PHAF1: variants seen among roughly 807,000 people sequenced by gnomAD.
PHAF1 encodes the protein phagophore assembly factor 1, also known as phagosome assembly factor 1.
Under a neutral mutation model 63.1 loss-of-function variants are expected in PHAF1, and 23 were observed. That is an observed-to-expected ratio of 0.36 (90% CI 0.26 to 0.52). The LOEUF is 0.52. Ranked by LOEUF, PHAF1 falls within the 20% of genes least tolerant of loss-of-function variation. The probability of loss-of-function intolerance (pLI) is 0.93; values close to 1 mark genes in which losing one functional copy is unlikely to be tolerated. For synonymous variants in PHAF1, 167 were observed against 185.0 expected (o/e 0.90, Z 0.79); for missense variants, 427 against 517.2 (o/e 0.83, Z 1.69).
At chr16:67,140,360 C>T in intron 9 of PHAF1, 151 bp from the exon 10 acceptor site, 1 of 825,500 alleles carries the variant, frequency 1.2e-6, no homozygotes, top group Non-Finnish European at 1.9e-6. Flanking sequence ...CCCTCTCCTC[C>T]TAGATTGGTC....
At chr16:67,130,696 G>A (rs1963359860) in intron 3 of PHAF1, among the ~76,000 whole-genome samples, 1 of 152,196 alleles carries the variant, frequency 6.6e-6, no homozygotes, top group Non-Finnish European at 1.5e-5. Context: ...TTAAAATGCA[G>A]CAAAATATGA....
chr16:67,140,362 A>AGG (rs1296679041), intron 9 of PHAF1, 149 bp from the exon 10 acceptor site: 2 of 824,634 alleles, frequency 2.4e-6, no homozygotes, highest in East Asian at 5.3e-5. Context: ...CTCTCCTCCT[A>AGG]GATTGGTCAG....
At chr16:67,131,359 A>G in intron 4 of PHAF1, 30 bp downstream of exon 4, 3 of 1,501,298 alleles carry the variant, frequency 2.0e-6, no homozygotes, top group Non-Finnish European at 2.7e-6. Context: ...GGTATATGTC[A>G]CACTTGGTAT....
At chr16:67,116,319 T>G (rs1313702622) in intron 1 of PHAF1, among the ~76,000 whole-genome samples, 1 of 152,262 alleles carries the variant, frequency 6.6e-6, no homozygotes, top group Non-Finnish European at 1.5e-5. Context: ...AAGAATGGCC[T>G]CTCAGATGAG....
At chr16:67,139,698 A>G (rs1394577457) in intron 8 of PHAF1, 18 of 362,490 alleles carry the variant, frequency 5.0e-5, no homozygotes, top group Middle Eastern at 7.2e-4. Context: ...ATCTAGCACA[A>G]TGTCCTAGCC....
chr16:67,144,221 A>G, intron 10 of PHAF1, 73 bp from the exon 11 acceptor site: 1 of 1,084,056 alleles, frequency 9.2e-7, no homozygotes, highest in Non-Finnish European at 1.4e-6. Context: ...CCCAAGTTGG[A>G]CATGCCTTTG....
chr16:67,135,925 A>G (rs900839819), intron 8 of PHAF1: 2 of 152,134 alleles, frequency 1.3e-5, no homozygotes, highest in Admixed American at 1.3e-4. Context: ...CAAGTTCTCA[A>G]CGTAGGCAAG....
intron 2 of PHAF1, among the ~76,000 whole-genome samples, chr16:67,120,585 C>G (rs1262411959): frequency 6.8e-6 from 1 of 147,878 alleles, no homozygotes; most frequent in Non-Finnish European, 1.5e-5. Context: ...TTTTGCAGTG[C>G]AGATCTCTAG....
intron 8 of PHAF1, among the ~76,000 whole-genome samples, chr16:67,139,164 C>T (rs1006017059): frequency 3.3e-5 from 5 of 151,184 alleles, no homozygotes; most frequent in African/African-American, 1.2e-4. Context: ...TCAAGCAGTT[C>T]ACCCCGCTTG....
In PHAF1 at chr16:67,144,862, C is replaced by A. The variant is rs745519638; in HGVS notation, c.991C>A (p.Leu331Ile). ...TCATCGCTGTGAGTTCAAGATCCCA[C>A]TAGCCATAAAGAAAGGTGAGTAGTG... ...IYHRCEFKIP[L>I]AIKKENADGQ... Residue 331 changes from leucine to isoleucine, a missense_variant, in exon 12 of 16, where the codon CTA becomes ATA. By Grantham distance (5) the Leu-to-Ile change is conservative. Transcript: ENST00000219139. 1 of 1,613,740 alleles carries A rather than the reference C, an allele frequency of 6.2e-7. No individual in the cohort carries two copies. The highest frequency in any genetic ancestry group is 1.7e-5 in the Admixed American group (1 of 60,026).
At chr16:67,144,475 C>T (rs1055759922) in intron 11 of PHAF1, 99 bp downstream of exon 11, 9 of 838,110 alleles carry the variant, frequency 1.1e-5, no homozygotes, top group African/African-American at 3.4e-5. Flanking sequence ...AATTTATCTA[C>T]ACCTGAATTC....
chr16:67,140,772 C>T lies in PHAF1; in HGVS notation c.879+178C>T, dbSNP rs1410637537. Among the ~76,000 whole-genome samples the T allele has an allele frequency of 2.0e-5, 3 of 152,236 alleles. 1 individual carries two copies. Among genetic ancestry groups the T allele is most frequent in the Admixed American group, 2.0e-4 (3 of 15,284 alleles). ...TCTGGTACTCCAAAGTAGACCTTGC[C>T]TGCAACCAGGATTGCTCAGGAACAC... On this transcript the variant is annotated intron_variant, in intron 10 of 15. Coordinates refer to ENST00000219139, the MANE Select transcript of PHAF1 (RefSeq NM_025187.5).
At chr16:67,120,022 C>G in intron 1 of PHAF1, 90 bp from the exon 2 acceptor site, 1 of 1,073,948 alleles carries the variant, frequency 9.3e-7, no homozygotes, top group Admixed American at 2.0e-5. Flanking sequence ...CATCCCCAGG[C>G]TTTACTGCAG....
At position 67,147,220 on chromosome 16, in the gene PHAF1, G is replaced by A; in HGVS notation, c.*89G>A. 1.5e-6 allele frequency: 2 copies of A among 1,300,446 alleles called. No homozygotes were observed. Among genetic ancestry groups the A allele is most frequent in the South Asian group, 1.3e-5 (1 of 79,582 alleles). 80.6% of individuals were successfully genotyped at this position (1,300,446 alleles called of 1,614,324 possible). ...TCTGTACCACCCTGTGGGTTTTCTTGGACACCTGGCCAGTGCTGAAGGGCT... is the reference window on the plus strand; with the variant it reads ...TCTGTACCACCCTGTGGGTTTTCTTAGACACCTGGCCAGTGCTGAAGGGCT... On this transcript the variant is annotated 3_prime_UTR_variant, in exon 16 of 16. Coordinates refer to ENST00000219139, the MANE Select transcript of PHAF1 (RefSeq NM_025187.5).
chr16:67,118,259 C>T (rs1374072284), intron 1 of PHAF1, among the ~76,000 whole-genome samples: 2 of 149,666 alleles, frequency 1.3e-5, no homozygotes, highest in African/African-American at 4.9e-5. Context: ...GGACGTGAGC[C>T]ACTGCACCTG....
At chr16:67,130,862 T>G (rs1033692669) in intron 3 of PHAF1, among the ~76,000 whole-genome samples, 4 of 152,140 alleles carry the variant, frequency 2.6e-5, no homozygotes, top group Non-Finnish European at 4.4e-5. Context: ...TGGACATCTG[T>G]TGAGCAGTCC....
chr16:67,146,344 C>G lies in PHAF1; in HGVS notation c.1176C>G (p.Ile392Met). ...STFCFGLQRM[I>M]FEVMQNNHIA... ...TCTGCTTTGGTCTTCAGCGAATGATCTTTGAGGTAAGCTGTGGAAGCCCTA... is the reference window on the plus strand; with the variant it reads ...TCTGCTTTGGTCTTCAGCGAATGATGTTTGAGGTAAGCTGTGGAAGCCCTA... The change falls in exon 15 of 16, where the codon ATC becomes ATG. Residue 392 changes from isoleucine (I) to methionine (M), a missense_variant. Transcript: ENST00000219139. The G allele has an allele frequency of 6.2e-7, 1 of 1,613,956 alleles. No homozygotes were observed.
At chr16:67,145,229 A>G in intron 12 of PHAF1, 147 bp from the exon 13 acceptor site, 1 of 878,598 alleles carries the variant, frequency 1.1e-6, no homozygotes, top group Non-Finnish European at 1.8e-6. Flanking sequence ...ATCCTCTTCC[A>G]CCCTGGAACT....
intron 2 of PHAF1, among the ~76,000 whole-genome samples, chr16:67,121,454 G>A (rs1326185293): frequency 6.9e-6 from 1 of 145,400 alleles, no homozygotes; most frequent in African/African-American, 2.6e-5. Flanking sequence ...TGCCCGCCTC[G>A]ACCTCCCAGA....
Sources: allele counts gnomAD v4.1 joint callset (sites outside exome capture counted in the v4.1 genomes callset), GRCh38; gene constraint gnomAD v4.1.1; transcripts MANE v1.5; gene names NCBI Gene and HGNC (gene_info 2026-07-23, HGNC 2026-07-21).